The following RPL23 variants were observed in gnomAD, a reference collection of about 807,000 sequenced individuals.
The protein encoded by RPL23 is ribosomal protein L23.
For synonymous variants in RPL23, 63 were observed against 65.3 expected (o/e 0.97, Z 0.17); for missense variants, 79 against 178.8 (o/e 0.44, Z 3.18).
At chr17:38,853,551 C>T in intron 1 of RPL23, 147 bp downstream of exon 1, 2 of 943,628 alleles carry the variant, frequency 2.1e-6, no homozygotes, top group South Asian at 1.4e-5. Flanking sequence ...TTCGAGGGCC[C>T]TGGCAGTGCT....
chr17:38,852,861 C>T (rs1329802566), intron 2 of RPL23, 129 bp from the exon 3 acceptor site: 9 of 1,424,526 alleles, frequency 6.3e-6, no homozygotes, highest in Non-Finnish European at 7.9e-6. Flanking sequence ...TCCGCAAGAA[C>T]GCCTTGTCAC....
At chr17:38,852,780 C>A (rs780146070) in intron 2 of RPL23, 48 bp from the exon 3 acceptor site, 16 of 1,613,044 alleles carry the variant, frequency 9.9e-6, no homozygotes, top group Non-Finnish European at 2.5e-6. Context: ...GGCCATCAGG[C>A]CGTTCCATCA....
At position 38,853,711 on chromosome 17, in the gene RPL23, C is replaced by A. The variant is rs1271815171; in HGVS notation, c.-1G>T. 1.2e-6 allele frequency: 2 copies of A among 1,614,146 alleles called. No individual in the cohort carries two copies. The highest frequency in any genetic ancestry group is 8.5e-7 in the Non-Finnish European group (1 of 1,180,046). Reference sequence around the variant, plus strand: ...ACAAAACCTCACCTCGCTTCGACATCTTGAACGCCGGAAAAAAGAAAAAAG... The same window carrying A: ...ACAAAACCTCACCTCGCTTCGACATATTGAACGCCGGAAAAAAGAAAAAAG... On this transcript the variant is annotated 5_prime_UTR_variant, in exon 1 of 5. Coordinates refer to ENST00000479035, the MANE Select transcript of RPL23 (RefSeq NM_000978.4).
chr17:38,853,653 A>G (rs2143684530), intron 1 of RPL23, 45 bp downstream of exon 1: 1 of 1,613,490 alleles, frequency 6.2e-7, no homozygotes, highest in Middle Eastern at 1.6e-4. Flanking sequence ...TCCGCCAGCC[A>G]CTGCACGACA....
Position 38,848,148 on chromosome 17 carries a change from T to C in RPL23, c.*1984A>G, listed in dbSNP as rs1448278531. 10 of 1,362,352 alleles carry C rather than the reference T, an allele frequency of 7.3e-6. No homozygotes were observed. Among genetic ancestry groups the C allele is most frequent in the Non-Finnish European group, 8.6e-6 (9 of 1,049,418 alleles). The allele number at this position is 1,362,352 out of a possible 1,614,324, so 84.4% of individuals were successfully genotyped here. A position where few individuals can be genotyped will look rare whatever the true frequency, so the allele number is the denominator to read the frequency against. ...TTGCCATAATATATAAAGACATAAA[T>C]GGTGGGCCTAGGGGCTTGTCACACT... On this transcript the variant is annotated 3_prime_UTR_variant, in exon 5 of 5. Coordinates refer to ENST00000479035, the MANE Select transcript of RPL23 (RefSeq NM_000978.4).
At chr17:38,853,572 C>T (rs1400471928) in intron 1 of RPL23, 126 bp downstream of exon 1, 83 of 1,204,714 alleles carry the variant, frequency 6.9e-5, no homozygotes, top group Middle Eastern at 1.9e-4. Flanking sequence ...CTCGCGGTGG[C>T]CTGGCTCTCT....
chr17:38,850,667 G>T, intron 3 of RPL23, 192 bp from the exon 4 acceptor site: 4 of 423,974 alleles, frequency 9.4e-6, no homozygotes, highest in East Asian at 3.9e-5. Context: ...ACCATGCCCA[G>T]ATTTTTTTTT....
rs1260211928 is a variant in RPL23 at position 38,849,462 on chromosome 17, C to CAGCCTCCCT, written c.*669_*670insAGGGAGGCT. Reference sequence around the variant, plus strand: ...ACCTCCCAGGTTCAAGCGATTCTCTCAGTAGCTGAGATTACAGGCGGTGCG... The same window carrying CAGCCTCCCT: ...ACCTCCCAGGTTCAAGCGATTCTCTCAGCCTCCCTAGTAGCTGAGATTACAGGCGGTGCG... On this transcript the variant is annotated 3_prime_UTR_variant, in exon 5 of 5. Transcript: ENST00000479035. 6.6e-6 allele frequency: 1 copy of CAGCCTCCCT among 152,202 alleles called. No individual in the cohort carries two copies. The highest frequency in any genetic ancestry group is 2.4e-5 in the African/African-American group (1 of 41,434). The allele number at this position is 152,202 out of a possible 1,614,324, so 9.4% of individuals were successfully genotyped here.
chr17:38,852,776 C>T (rs1350068673), intron 2 of RPL23, 44 bp from the exon 3 acceptor site: 2 of 1,613,422 alleles, frequency 1.2e-6, no homozygotes, highest in South Asian at 1.1e-5. Flanking sequence ...TGAGGGCCAT[C>T]AGGCCGTTCC....
rs942886898 is a variant in RPL23 at position 38,850,074 on chromosome 17, CAAAT to C, written c.*54_*57del. On this transcript the variant is annotated 3_prime_UTR_variant, in exon 5 of 5. Transcript: ENST00000479035. Reference sequence around the variant, plus strand: ...TGAACAGGGAGACAAGCACTGCAAACAAATACTTTTTAATGGGTTTAGTTTTTTT... The same window carrying C: ...TGAACAGGGAGACAAGCACTGCAAACACTTTTTAATGGGTTTAGTTTTTTT... 4.3e-5 allele frequency: 58 copies of C among 1,351,082 alleles called. No individual in the cohort carries two copies. The highest frequency in any genetic ancestry group is 4.8e-5 in the Non-Finnish European group (47 of 976,450). 83.7% of individuals were successfully genotyped at this position (1,351,082 alleles called of 1,614,324 possible).
rs1201287344 is a variant in RPL23 at position 38,849,251 on chromosome 17, C to G, written c.*881G>C. ...CAATTTACTCCAAATCTGTTAACTGCTAAAATGTACATACATAAACAAACT... is the reference window on the plus strand; with the variant it reads ...CAATTTACTCCAAATCTGTTAACTGGTAAAATGTACATACATAAACAAACT... On this transcript the variant is annotated 3_prime_UTR_variant, in exon 5 of 5. Coordinates refer to ENST00000479035, the MANE Select transcript of RPL23 (RefSeq NM_000978.4). 6.7e-6 allele frequency: 1 copy of G among 149,414 alleles called. No individual in the cohort carries two copies. Among genetic ancestry groups the G allele is most frequent in the Non-Finnish European group, 1.5e-5 (1 of 67,690 alleles). The allele number at this position is 149,414 out of a possible 1,614,324, so 9.3% of individuals were successfully genotyped here.
At chr17:38,850,282 A>G in intron 4 of RPL23, 68 bp from the exon 5 acceptor site, 1 of 1,551,072 alleles carries the variant, frequency 6.4e-7, no homozygotes, top group Non-Finnish European at 8.8e-7. Context: ...ATCGTCAAAC[A>G]CAGAAGATCC....
rs3834563 is a variant in RPL23, at chr17:38,850,096, GTT to G, written c.*34_*35del. ...AAACAAATACTTTTTAATGGGTTTA[GTT>G]TTTTTTTTTATTTTTTACAAATATA... On this transcript the variant is annotated 3_prime_UTR_variant, in exon 5 of 5. Coordinates refer to ENST00000479035, the MANE Select transcript of RPL23 (RefSeq NM_000978.4). The G allele has an allele frequency of 0.84, 1,207,690 of 1,434,974 alleles. 506,354 individuals are homozygous for G. The highest frequency in any genetic ancestry group is 0.89 in the Admixed American group (40,589 of 45,822). The allele number at this position is 1,434,974 out of a possible 1,614,324, so 88.9% of individuals were successfully genotyped here.
chr17:38,852,897 T>A (rs764444281), intron 2 of RPL23, 125 bp downstream of exon 2: 1 of 1,347,942 alleles, frequency 7.4e-7, no homozygotes, highest in Non-Finnish European at 1.1e-6. Flanking sequence ...AAACAACACA[T>A]GTTGCCACTT....
rs192536345 is a variant in RPL23 at position 38,849,723 on chromosome 17, C to T, written c.*409G>A. ...TACTATTATTTTTGGGACTCAAAAC[C>T]CAAATAATACTTTTTGAGGCCAAAA... is the stretch of plus-strand genomic sequence containing the variant. On this transcript the variant is annotated 3_prime_UTR_variant, in exon 5 of 5. Coordinates refer to ENST00000479035, the MANE Select transcript of RPL23 (RefSeq NM_000978.4). The T allele has an allele frequency of 1.3e-5, 2 of 158,234 alleles. No individual in the cohort carries two copies. The highest frequency in any genetic ancestry group is 3.7e-4 in the South Asian group (2 of 5,432). The allele number at this position is 158,234 out of a possible 1,614,324, so 9.8% of individuals were successfully genotyped here.
intron 2 of RPL23, 52 bp downstream of exon 2, chr17:38,852,970 G>T: frequency 6.6e-7 from 1 of 1,516,898 alleles, no homozygotes; most frequent in Non-Finnish European, 9.2e-7. Flanking sequence ...TTAGCCACAG[G>T]CCCATTGAGT....
At chr17:38,851,256 AATAG>A (rs1912994063) in intron 3 of RPL23, 1 of 152,240 alleles carries the variant, frequency 6.6e-6, no homozygotes, top group South Asian at 2.1e-4. Context: ...CTACACAAAA[AATAG>A]ATAAGTCTAA....
chr17:38,850,764 G>A (rs570632053), intron 3 of RPL23: 1 of 267,376 alleles, frequency 3.7e-6, no homozygotes, highest in Non-Finnish European at 7.1e-6. Flanking sequence ...CATGAACCAC[G>A]ATCATCTATT....
rs1015927591 is a variant in RPL23 at position 38,848,308 on chromosome 17, A to C, written c.*1824T>G. On this transcript the variant is annotated 3_prime_UTR_variant, in exon 5 of 5. Transcript: ENST00000479035. Reference sequence around the variant, plus strand: ...GGCTGGAGCACAATCGTGCGACCTCAGCTCACTGCAACCTCCATCTCCGGG... The same window carrying C: ...GGCTGGAGCACAATCGTGCGACCTCCGCTCACTGCAACCTCCATCTCCGGG... The C allele has an allele frequency of 1.1e-5, 3 of 279,868 alleles. No individual in the cohort carries two copies. Among genetic ancestry groups the C allele is most frequent in the African/African-American group, 6.6e-5 (3 of 45,358 alleles). 17.3% of individuals were successfully genotyped at this position (279,868 alleles called of 1,614,324 possible).
Sources: gnomAD v4.1 joint callset for allele counts on GRCh38, gnomAD v4.1.1 for gene constraint, MANE v1.5 for transcripts, NCBI Gene and HGNC (gene_info 2026-07-23, HGNC 2026-07-21) for gene names.